The following SHC3 variants were observed in gnomAD, a reference collection of about 807,000 sequenced individuals.
SHC3 encodes SHC adaptor protein 3.
A neutral mutation model predicts 60.4 loss-of-function variants in SHC3; 15 were observed. The ratio of observed to expected loss-of-function variants is 0.25; its 90% confidence interval spans 0.17 to 0.38. SHC3 has a LOEUF of 0.38. Ranked by LOEUF, SHC3 falls within the 10% of genes least tolerant of loss-of-function variation. The pLI, the probability that SHC3 is intolerant of heterozygous loss-of-function variation, is 1.00. For synonymous variants in SHC3, 294 were observed against 325.9 expected (o/e 0.90, Z 1.05); for missense variants, 677 against 786.1 (o/e 0.86, Z 1.66).
chr9:89,010,298 T>C lies in SHC3; in HGVS notation c.*3149A>G, dbSNP rs1236809810. 6.6e-6 allele frequency: 1 copy of C among 152,264 alleles called. No individual in the cohort carries two copies. The highest frequency in any genetic ancestry group is 1.9e-4 in the East Asian group (1 of 5,200). 9.4% of individuals were successfully genotyped at this position (152,264 alleles called of 1,614,324 possible). On this transcript the variant is annotated 3_prime_UTR_variant, in exon 12 of 12. Transcript: ENST00000375835. Reference sequence around the variant, plus strand: ...TTGAGTCATTTGACTGCGGTGTTTTTCACCTCCCCACCCGATTCTCCGGTT... The same window carrying C: ...TTGAGTCATTTGACTGCGGTGTTTTCCACCTCCCCACCCGATTCTCCGGTT...
chr9:89,073,165 C>T (rs1035279960), intron 4 of SHC3, among the ~76,000 whole-genome samples: 2 of 151,978 alleles, frequency 1.3e-5, no homozygotes, highest in Non-Finnish European at 2.9e-5. Flanking sequence ...TACATTTTTG[C>T]TTATTTAATT....
chr9:89,166,642 C>T (rs1289390747), intron 1 of SHC3, among the ~76,000 whole-genome samples: 4 of 152,172 alleles, frequency 2.6e-5, no homozygotes, highest in Non-Finnish European at 4.4e-5. Flanking sequence ...CACCAATGAA[C>T]CTTTTCCAGA....
At chr9:89,118,162 T>G (rs905697170) in intron 1 of SHC3, among the ~76,000 whole-genome samples, 2 of 152,130 alleles carry the variant, frequency 1.3e-5, no homozygotes. Flanking sequence ...ACTTTTTTTT[T>G]AAAGTGTTGG....
At chr9:89,079,174 GC>G (rs1397571366) in intron 2 of SHC3, among the ~76,000 whole-genome samples, 1 of 152,164 alleles carries the variant, frequency 6.6e-6, no homozygotes, top group Non-Finnish European at 1.5e-5. Context: ...TGATGTTTAT[GC>G]TTACTCTTAT....
Position 89,006,172 on chromosome 9 carries a change from G to C in SHC3, c.*7275C>G, listed in dbSNP as rs1402360638. ...TCCTGGGTCACAGGATGACACCTGG[G>C]GATGCGATGCCGTGCCTGCACTTGG... On this transcript the variant is annotated 3_prime_UTR_variant, in exon 12 of 12. Transcript: ENST00000375835. 1 of 152,228 alleles carries C rather than the reference G, an allele frequency of 6.6e-6. No individual in the cohort carries two copies. The highest frequency in any genetic ancestry group is 1.5e-5 in the Non-Finnish European group (1 of 68,052). The allele number at this position is 152,228 out of a possible 1,614,324, so 9.4% of individuals were successfully genotyped here.
chr9:89,121,033 C>T (rs184885361), intron 1 of SHC3, among the ~76,000 whole-genome samples: 22 of 152,186 alleles, frequency 1.4e-4, no homozygotes, highest in Non-Finnish European at 2.6e-4. Flanking sequence ...TAATAACATA[C>T]GTATTTTTGC....
intron 6 of SHC3, among the ~76,000 whole-genome samples, chr9:89,064,053 A>G (rs1162825013): frequency 6.6e-6 from 1 of 152,234 alleles, no homozygotes; most frequent in Non-Finnish European, 1.5e-5. Flanking sequence ...GTGTCCTCAC[A>G]TGGGTGGAAG....
At chr9:89,036,471 A>T (rs1241354514) in intron 11 of SHC3, among the ~76,000 whole-genome samples, 3 of 152,182 alleles carry the variant, frequency 2.0e-5, no homozygotes, top group Admixed American at 6.5e-5. Flanking sequence ...CCCTGTGACC[A>T]AAACGCCACT....
chr9:89,178,138 G>C lies in SHC3; in HGVS notation c.323C>G (p.Pro108Arg), dbSNP rs1445920322. Residue 108 changes from proline to arginine, a missense_variant, in exon 1 of 12, where the codon CCG (proline) becomes CGG (arginine). Pro to Arg is a moderately radical substitution (Grantham distance 103). Coordinates refer to ENST00000375835, the MANE Select transcript of SHC3 (RefSeq NM_016848.6). The surrounding 1 kb of genome is among the most constrained non-coding windows in gnomAD (Gnocchi z 6.9). ...GSCSAPSLAAPDGSAPSAPRA... is the reference protein window; with the variant it reads ...GSCSAPSLAARDGSAPSAPRA... ...GGGCGCCGAGGGCGCACTGCCGTCC[G>C]GGGCGGCCAGGCTGGGCGCGCTGCA... 6 of 1,188,232 alleles carry C rather than the reference G, an allele frequency of 5.0e-6. No homozygotes were observed. The highest frequency in any genetic ancestry group is 4.1e-5 in the South Asian group (1 of 24,144). The allele number at this position is 1,188,232 out of a possible 1,614,324, so 73.6% of individuals were successfully genotyped here. A position where few individuals can be genotyped will look rare whatever the true frequency, so the allele number is the denominator to read the frequency against.
chr9:89,103,291 G>A (rs566692793), intron 2 of SHC3, among the ~76,000 whole-genome samples: 12 of 152,270 alleles, frequency 7.9e-5, no homozygotes, highest in African/African-American at 2.4e-4. Flanking sequence ...ACAGGTATTC[G>A]TAATTGAACA....
chr9:89,065,114 G>T (rs755136675), intron 6 of SHC3, among the ~76,000 whole-genome samples: 3 of 152,184 alleles, frequency 2.0e-5, no homozygotes, highest in Non-Finnish European at 4.4e-5. Flanking sequence ...GACAGCGCCT[G>T]AGCTCAGACA....
Position 89,098,481 on chromosome 9 carries a change from G to A in SHC3, c.545+14075C>T, listed in dbSNP as rs12348140. ...GCACTTAACTAGTTAGTGTTGAAGA[G>A]GTATGATGTTTCCAACTTATTCTCA... On this transcript the variant is annotated intron_variant, in intron 2 of 11. Transcript: ENST00000375835. 1.3e-3 allele frequency among the ~76,000 whole-genome samples: 197 copies of A among 152,292 alleles called. 1 individual carries two copies. Among genetic ancestry groups the A allele is most frequent in the African/African-American group, 4.6e-3 (193 of 41,540 alleles).
In SHC3 at chr9:89,012,768, C is replaced by A. The variant is rs1179675297; in HGVS notation, c.*679G>T. 6.6e-6 allele frequency: 1 copy of A among 152,132 alleles called. No homozygotes were observed. Among genetic ancestry groups the A allele is most frequent in the Non-Finnish European group, 1.5e-5 (1 of 68,024 alleles). The allele number at this position is 152,132 out of a possible 1,614,324, so 9.4% of individuals were successfully genotyped here. On this transcript the variant is annotated 3_prime_UTR_variant, in exon 12 of 12. Coordinates refer to ENST00000375835, the MANE Select transcript of SHC3 (RefSeq NM_016848.6). ...ACAACTGGGGTCAAGGGTGGCGGGGCCCTGTGCTCAGCAGGACCCGGAGAA... is the reference window on the plus strand; with the variant it reads ...ACAACTGGGGTCAAGGGTGGCGGGGACCTGTGCTCAGCAGGACCCGGAGAA...
chr9:89,016,400 G>A lies in SHC3; in HGVS notation c.1657-2825C>T, dbSNP rs573890539. On this transcript the variant is annotated intron_variant, in intron 11 of 11. Transcript: ENST00000375835. ...TTGAGGAACATCTGTATTATGGATGGCTCTATGCTCATAAATTTGATAATC... is the reference window on the plus strand; with the variant it reads ...TTGAGGAACATCTGTATTATGGATGACTCTATGCTCATAAATTTGATAATC... 5.9e-5 allele frequency among the ~76,000 whole-genome samples: 9 copies of A among 152,152 alleles called. No homozygotes were observed. In the East Asian group the frequency reaches 1.7e-3, roughly 29 times the overall value.
chr9:89,134,533 A>G (rs984114969), intron 1 of SHC3, among the ~76,000 whole-genome samples: 23 of 152,088 alleles, frequency 1.5e-4, no homozygotes, highest in African/African-American at 5.1e-4. Flanking sequence ...TTAAGATTGA[A>G]TAGATTTGTC....
intron 6 of SHC3, among the ~76,000 whole-genome samples, chr9:89,062,385 T>G (rs1455863232): frequency 6.6e-6 from 1 of 152,162 alleles, no homozygotes; most frequent in East Asian, 1.9e-4. Context: ...CTCTTTGAGA[T>G]GGTGGTGGTG....
At chr9:89,108,638 G>T (rs116417919) in intron 2 of SHC3, among the ~76,000 whole-genome samples, 290 of 152,256 alleles carry the variant, frequency 1.9e-3, no homozygotes, top group African/African-American at 6.7e-3. Flanking sequence ...TTACGGATAA[G>T]ATTTCTTATC....
intron 1 of SHC3, among the ~76,000 whole-genome samples, chr9:89,172,052 A>G (rs1587770181): frequency 6.6e-6 from 1 of 152,212 alleles, no homozygotes; most frequent in African/African-American, 2.4e-5. Flanking sequence ...GTGGTACAGG[A>G]GGGCTGAGGT....
At chr9:89,067,035 G>T (rs1005477208) in intron 5 of SHC3, among the ~76,000 whole-genome samples, 5 of 152,206 alleles carry the variant, frequency 3.3e-5, no homozygotes, top group Non-Finnish European at 7.3e-5. Flanking sequence ...CGGTCATTCT[G>T]CAGGGCGTGG....
Sources: gnomAD v4.1 joint callset for allele counts (sites outside exome capture counted in the v4.1 genomes callset) on GRCh38, gnomAD v4.1.1 for gene constraint, Gnocchi (gnomAD v3.1) non-coding constraint, MANE v1.5 for transcripts, NCBI Gene and HGNC (gene_info 2026-07-23, HGNC 2026-07-21) for gene names.